CACNA2D1: variants seen among roughly 807,000 people sequenced by gnomAD.
CACNA2D1 encodes the protein calcium voltage-gated channel auxiliary subunit alpha2delta 1.
A neutral mutation model predicts 171.5 loss-of-function variants in CACNA2D1; 53 were observed. The observed-to-expected ratio is 0.31, with a 90% CI of 0.25 to 0.39. CACNA2D1 has a LOEUF of 0.39. Among genes scored for constraint, CACNA2D1 ranks in the 10% least tolerant of loss-of-function variants. The probability of loss-of-function intolerance (pLI) is 1.00; values close to 1 mark genes in which losing one functional copy is unlikely to be tolerated. For missense variants in CACNA2D1, 903 were observed against 1,299.8 expected (o/e 0.69, Z 4.69); for synonymous variants, 442 against 443.1 (o/e 1.00, Z 0.03).
chr7:82,124,642 A>G (rs887331682), intron 5 of CACNA2D1, among the ~76,000 whole-genome samples: 3 of 152,184 alleles, frequency 2.0e-5, no homozygotes, highest in Non-Finnish European at 2.9e-5. Context: ...AGAAAATTCT[A>G]TAACTGGAGC....
chr7:82,226,273 T>C (rs1585152837), intron 3 of CACNA2D1, among the ~76,000 whole-genome samples: 4 of 152,312 alleles, frequency 2.6e-5, no homozygotes, highest in African/African-American at 9.6e-5. Context: ...TGCTGCTCTA[T>C]AGCCACCATT....
chr7:82,367,298 G>A (rs1319497321), intron 1 of CACNA2D1, among the ~76,000 whole-genome samples: 1 of 152,102 alleles, frequency 6.6e-6, no homozygotes, highest in African/African-American at 2.4e-5. Context: ...GATTAGTGAT[G>A]TGGAGGGTTT....
intron 1 of CACNA2D1, among the ~76,000 whole-genome samples, chr7:82,416,334 T>C (rs1473308065): frequency 6.6e-6 from 1 of 152,170 alleles, no homozygotes; most frequent in Non-Finnish European, 1.5e-5. Context: ...TGAATAGTGA[T>C]GTCATGAGCA....
Position 82,418,558 on chromosome 7 carries a change from CAG to C in CACNA2D1, c.95+24805_95+24806del, listed in dbSNP as rs995590855. The stretch of plus-strand genomic sequence containing the variant: ...AAAAATAAATAAATAAATAAAGTAA[CAG>C]AGATTCTGGGCTTCCATTTTCCCTC... On this transcript the variant is annotated intron_variant, in intron 1 of 38. Transcript: ENST00000356860. Among the ~76,000 whole-genome samples, 21 of 152,180 alleles carry C rather than the reference CAG, an allele frequency of 1.4e-4. 1 individual carries two copies. Among genetic ancestry groups the C allele is most frequent in the African/African-American group, 5.1e-4 (21 of 41,532 alleles).
rs932594340 is a variant in CACNA2D1, at chr7:82,041,495, A to C, written c.880-3260T>G. Among the ~76,000 whole-genome samples, 25 of 152,174 alleles carry C rather than the reference A, an allele frequency of 1.6e-4. 1 individual carries two copies. The highest frequency in any genetic ancestry group is 4.4e-5 in the Non-Finnish European group (3 of 68,030). On this transcript the variant is annotated intron_variant, in intron 10 of 38. Coordinates refer to ENST00000356860, the MANE Select transcript of CACNA2D1 (RefSeq NM_000722.4). ...TGATCAGGATAATGAGAGGAGAAGG[A>C]AGGCTTAGAGAAAAGAAAAAACAAG...
intron 3 of CACNA2D1, among the ~76,000 whole-genome samples, chr7:82,304,397 T>A (rs1813448703): frequency 6.6e-6 from 1 of 150,546 alleles, no homozygotes; most frequent in Non-Finnish European, 1.5e-5. Flanking sequence ...ATACCTGCAC[T>A]CCCAAGTATG....
chr7:82,295,575 C>T (rs541405634), intron 3 of CACNA2D1, among the ~76,000 whole-genome samples: 9 of 151,508 alleles, frequency 5.9e-5, no homozygotes, highest in Admixed American at 1.3e-4. Context: ...AGGCTAGTCT[C>T]GAACTCCTGA....
intron 10 of CACNA2D1, among the ~76,000 whole-genome samples, chr7:82,043,293 T>A (rs902926389): frequency 5.3e-5 from 8 of 152,186 alleles, no homozygotes; most frequent in Non-Finnish European, 1.2e-4. Context: ...ATACAGAACA[T>A]CTAACATAGA....
chr7:82,349,776 C>T lies in CACNA2D1; in HGVS notation c.96-127G>A, dbSNP rs79443574. ...CTTAAATTATTCCTCTCCCTCCTAG[C>T]ACCGACTATGTCCACCCTTCCACTC... On this transcript the variant is annotated intron_variant, in intron 1 of 38. Transcript: ENST00000356860. The T allele has an allele frequency of 0.024, 18,891 of 773,670 alleles. 662 individuals are homozygous for T. The highest frequency in any genetic ancestry group is 0.12 in the Admixed American group (5,993 of 51,142). 47.9% of individuals were successfully genotyped at this position (773,670 alleles called of 1,614,324 possible). A position where few individuals can be genotyped will look rare whatever the true frequency, so the allele number is the denominator to read the frequency against.
chr7:82,441,614 T>A (rs972200944), intron 1 of CACNA2D1, among the ~76,000 whole-genome samples: 1 of 152,182 alleles, frequency 6.6e-6, no homozygotes, highest in Non-Finnish European at 1.5e-5. Flanking sequence ...ATTTTTACAT[T>A]AATATTTTAC....
chr7:82,214,367 T>C (rs1311687767), intron 3 of CACNA2D1, among the ~76,000 whole-genome samples: 1 of 152,162 alleles, frequency 6.6e-6, no homozygotes, highest in East Asian at 1.9e-4. Context: ...TATTTCATGC[T>C]GTATTGTACC....
chr7:82,076,750 T>C (rs536362208), intron 7 of CACNA2D1, among the ~76,000 whole-genome samples: 1 of 152,272 alleles, frequency 6.6e-6, no homozygotes, highest in East Asian at 1.9e-4. Flanking sequence ...TCCCAAACCA[T>C]TCTGACATTC....
At chr7:81,979,448 T>C (rs1796220120) in intron 24 of CACNA2D1, among the ~76,000 whole-genome samples, 1 of 152,154 alleles carries the variant, frequency 6.6e-6, no homozygotes, top group African/African-American at 2.4e-5. Flanking sequence ...GATTCTACCC[T>C]AGTTTCCACC....
At chr7:82,217,378 T>TAC (rs1340494071) in intron 3 of CACNA2D1, among the ~76,000 whole-genome samples, 4,723 of 111,246 alleles carry the variant, frequency 0.042, 292 homozygotes, top group Non-Finnish European at 0.052. Context: ...TACACACATA[T>TAC]ACACACACAC....
chr7:82,333,617 C>T lies in CACNA2D1; in HGVS notation c.294+1518G>A, dbSNP rs1008360397. 5.3e-5 allele frequency among the ~76,000 whole-genome samples: 8 copies of T among 151,888 alleles called. No individual in the cohort carries two copies. The East Asian group carries it at 1.5e-3, about 29-fold the overall frequency. On this transcript the variant is annotated intron_variant, in intron 3 of 38. Coordinates refer to ENST00000356860, the MANE Select transcript of CACNA2D1 (RefSeq NM_000722.4). Reference sequence around the variant, plus strand: ...TTCAATTACCTCCCACCACATCCCTCCCACAACACGTGGGAATTATGGGAG... The same window carrying T: ...TTCAATTACCTCCCACCACATCCCTTCCACAACACGTGGGAATTATGGGAG...
intron 2 of CACNA2D1, 111 bp from the exon 3 acceptor site, chr7:82,335,362 G>T: frequency 1.4e-6 from 1 of 719,344 alleles, no homozygotes; most frequent in Non-Finnish European, 2.5e-6. Flanking sequence ...ACACCACCCT[G>T]TTCTTTATCT....
chr7:81,985,242 C>CA (rs1174967891), intron 21 of CACNA2D1, among the ~76,000 whole-genome samples: 1 of 147,214 alleles, frequency 6.8e-6, no homozygotes, highest in Non-Finnish European at 1.5e-5. Context: ...ACTCTATCCC[C>CA]CAGGCTGGAG....
chr7:82,138,603 T>A (rs990340713), intron 4 of CACNA2D1, among the ~76,000 whole-genome samples: 2 of 151,876 alleles, frequency 1.3e-5, no homozygotes, highest in African/African-American at 4.8e-5. Flanking sequence ...CCCGCCACCA[T>A]GCCCCGCTAA....
chr7:81,999,332 A>G (rs1798356502), intron 18 of CACNA2D1, among the ~76,000 whole-genome samples: 1 of 152,206 alleles, frequency 6.6e-6, no homozygotes, highest in Admixed American at 6.5e-5. Flanking sequence ...TTTCAATAAG[A>G]AAGCACCAAG....
Sources: allele counts gnomAD v4.1 joint callset (sites outside exome capture counted in the v4.1 genomes callset), GRCh38; gene constraint gnomAD v4.1.1; transcripts MANE v1.5; gene names NCBI Gene and HGNC (gene_info 2026-07-23, HGNC 2026-07-21).